The following DNAJC5 variants were observed in gnomAD, a reference collection of about 807,000 sequenced individuals.
The protein encoded by DNAJC5 is dnaJ homolog subfamily C member 5.
Under a neutral mutation model 23.2 loss-of-function variants are expected in DNAJC5, and 1 was observed. That is an observed-to-expected ratio of 0.04 (90% CI 0.02 to 0.20). The LOEUF (loss-of-function observed/expected upper bound fraction) is 0.20, where lower values mean the gene tolerates loss of function less well. DNAJC5 is among the 10% of genes least tolerant of loss of function. The probability of loss-of-function intolerance (pLI) is 1.00; values close to 1 mark genes in which losing one functional copy is unlikely to be tolerated. For missense variants in DNAJC5, 180 were observed against 267.0 expected (o/e 0.67, Z 2.27); for synonymous variants, 136 against 120.0 (o/e 1.13, Z -0.87).
intron 1 of DNAJC5, among the ~76,000 whole-genome samples, chr20:63,918,557 A>G (rs1484429438): frequency 6.6e-6 from 1 of 152,192 alleles, no homozygotes; most frequent in African/African-American, 2.4e-5. Flanking sequence ...TAGAGACGGG[A>G]TCATGGTGTT....
chr20:63,926,731 G>A (rs138998858), intron 1 of DNAJC5, among the ~76,000 whole-genome samples: 2 of 152,116 alleles, frequency 1.3e-5, no homozygotes, highest in Non-Finnish European at 2.9e-5. Flanking sequence ...CTTTCTATTC[G>A]GGACCCCCGT....
In DNAJC5 at chr20:63,931,537, AC is replaced by A; in HGVS notation, c.570del (p.Ser191AlafsTer30). On this transcript the variant is annotated frameshift_variant, in exon 5 of 5. Coordinates refer to ENST00000360864, the MANE Select transcript of DNAJC5 (RefSeq NM_025219.3). LOFTEE classifies it high-confidence loss of function. This position sits in a 1 kb window ranked among gnomAD's most constrained non-coding sequence, Gnocchi z 9.6. Reference sequence around the variant, plus strand: ...ACCACCCAGCTCACAGCCGACTCCCACCCCAGCTACCACACTGACGGGTTCA... The same window carrying A: ...ACCACCCAGCTCACAGCCGACTCCCACCCAGCTACCACACTGACGGGTTCA... ...TETTQLTADSHPSYHTDGFN is the reference protein window; with the variant it reads ...TETTQLTADSXPSYHTDGFN The A allele has an allele frequency of 6.3e-7, 1 of 1,580,978 alleles. No homozygotes were observed.
Position 63,931,674 on chromosome 20 carries a change from T to TG in DNAJC5, c.*108dup. ...TGGGAAGGCAGCCTCCTGCCTGCCC[T>TG]GGCCTTGCTGGGGCCCCTCCTGCCT... On this transcript the variant is annotated 3_prime_UTR_variant, in exon 5 of 5. Coordinates refer to ENST00000360864, the MANE Select transcript of DNAJC5 (RefSeq NM_025219.3). This position sits in a 1 kb window ranked among gnomAD's most constrained non-coding sequence, Gnocchi z 9.6. The TG allele has an allele frequency of 2.4e-6, 3 of 1,235,918 alleles. No individual in the cohort carries two copies. Among genetic ancestry groups the TG allele is most frequent in the Non-Finnish European group, 3.4e-6 (3 of 873,498 alleles). The allele number at this position is 1,235,918 out of a possible 1,614,324, so 76.6% of individuals were successfully genotyped here.
At position 63,928,436 on chromosome 20, in the gene DNAJC5, A is replaced by G. The variant is rs1466155993; in HGVS notation, c.91A>G (p.Ile31Val). Residue 31 changes from isoleucine (I) to valine (V), a missense_variant, in exon 2 of 5, where the codon ATT (isoleucine) becomes GTT (valine). Around this residue, in one of 3 missense-constraint regions of DNAJC5, gnomAD observed 77 missense variants for 106.8 expected, o/e 0.72. Coordinates refer to ENST00000360864, the MANE Select transcript of DNAJC5 (RefSeq NM_025219.3). The surrounding 1 kb of genome is among the most constrained non-coding windows in gnomAD (Gnocchi z 4.6). ...GGACAAGAACGCAACCTCAGATGAC[A>G]TTAAAAAGTCCTATCGGTAAGTGGA... ...GLDKNATSDD[I>V]KKSYRKLALK... is the part of the protein sequence containing the mutation. 3 of 1,614,064 alleles carry G rather than the reference A, an allele frequency of 1.9e-6. No individual in the cohort carries two copies. Among genetic ancestry groups the G allele is most frequent in the East Asian group, 2.2e-5 (1 of 44,890 alleles).
chr20:63,906,036 AT>A (rs575820076), intron 1 of DNAJC5, among the ~76,000 whole-genome samples: 5 of 149,348 alleles, frequency 3.3e-5, no homozygotes, highest in African/African-American at 2.5e-5. Flanking sequence ...CCGGCCCAGG[AT>A]TTTTTTTTTA....
At position 63,928,558 on chromosome 20, in the gene DNAJC5, C is replaced by T. The variant is rs2053635045; in HGVS notation, c.107+106C>T. 1.6e-5 allele frequency: 15 copies of T among 940,916 alleles called. No individual in the cohort carries two copies. The highest frequency in any genetic ancestry group is 2.1e-4 in the Middle Eastern group (1 of 4,870). The allele number at this position is 940,916 out of a possible 1,614,324, so 58.3% of individuals were successfully genotyped here. A position where few individuals can be genotyped will look rare whatever the true frequency, so the allele number is the denominator to read the frequency against. ...ACCATTGCACATACTTTATCCTGGC[C>T]GACTCAGCGTTGAACTGGTCACAGC... On this transcript the variant is annotated intron_variant, in intron 2 of 4. Coordinates refer to ENST00000360864, the MANE Select transcript of DNAJC5 (RefSeq NM_025219.3). This position sits in a 1 kb window ranked among gnomAD's most constrained non-coding sequence, Gnocchi z 4.6.
At chr20:63,903,603 G>A (rs977076296) in intron 1 of DNAJC5, among the ~76,000 whole-genome samples, 1 of 151,974 alleles carries the variant, frequency 6.6e-6, no homozygotes, top group Non-Finnish European at 1.5e-5. Flanking sequence ...CACTGCGCTC[G>A]GCCCATCTCA....
At chr20:63,903,666 T>C (rs1002929776) in intron 1 of DNAJC5, among the ~76,000 whole-genome samples, 1 of 152,110 alleles carries the variant, frequency 6.6e-6, no homozygotes, top group African/African-American at 2.4e-5. Flanking sequence ...AAAAACATTT[T>C]TGGCCAGGCT....
intron 1 of DNAJC5, among the ~76,000 whole-genome samples, chr20:63,911,319 A>T (rs2146281255): frequency 6.6e-6 from 1 of 152,306 alleles, no homozygotes; most frequent in South Asian, 2.1e-4. Flanking sequence ...ATCCTTCCTC[A>T]GGTGTGGCCG....
At position 63,930,875 on chromosome 20, in the gene DNAJC5, C is replaced by T. The variant is rs2053663677; in HGVS notation, c.346C>T (p.Leu116Phe). ...AKALFVFCGL[L>F]TCCYCCCCLC... ...GGCCCTGTTTGTCTTCTGCGGCCTCCTCACGTGCTGCTACTGCTGCTGCTG... is the reference window on the plus strand; with the variant it reads ...GGCCCTGTTTGTCTTCTGCGGCCTCTTCACGTGCTGCTACTGCTGCTGCTG... The change falls in exon 4 of 5, where the codon CTC becomes TTC. Residue 116 changes from leucine (L) to phenylalanine (F), a missense_variant. By Grantham distance (22) the Leu-to-Phe change is conservative (BLOSUM62 0). Around this residue, in one of 3 missense-constraint regions of DNAJC5, gnomAD observed 97 missense variants for 123.4 expected, o/e 0.79. Coordinates refer to ENST00000360864, the MANE Select transcript of DNAJC5 (RefSeq NM_025219.3). The T allele has an allele frequency of 1.2e-6, 2 of 1,613,592 alleles. No homozygotes were observed. Among genetic ancestry groups the T allele is most frequent in the Non-Finnish European group, 1.7e-6 (2 of 1,179,982 alleles).
chr20:63,928,591 C>T lies in DNAJC5; in HGVS notation c.107+139C>T. 1 of 731,104 alleles carries T rather than the reference C, an allele frequency of 1.4e-6. No homozygotes were observed. The highest frequency in any genetic ancestry group is 2.5e-6 in the Non-Finnish European group (1 of 405,518). The allele number at this position is 731,104 out of a possible 1,614,324, so 45.3% of individuals were successfully genotyped here. A position where few individuals can be genotyped will look rare whatever the true frequency, so the allele number is the denominator to read the frequency against. ...CGTTGAACTGGTCACAGCTCGGTAA[C>T]ACCTTTGTATGTGTAATGTGCTCCT... On this transcript the variant is annotated intron_variant, in intron 2 of 4. Coordinates refer to ENST00000360864, the MANE Select transcript of DNAJC5 (RefSeq NM_025219.3). The surrounding 1 kb of genome is among the most constrained non-coding windows in gnomAD (Gnocchi z 4.6).
At chr20:63,926,075 G>T (rs931584710) in intron 1 of DNAJC5, among the ~76,000 whole-genome samples, 18 of 152,088 alleles carry the variant, frequency 1.2e-4, no homozygotes, top group South Asian at 2.1e-4. Context: ...TGATCTGCCC[G>T]CCTTGGCCTC....
Position 63,914,797 on chromosome 20 carries a change from G to A in DNAJC5, c.-11-13538G>A, listed in dbSNP as rs563802188. On this transcript the variant is annotated intron_variant, in intron 1 of 4. Coordinates refer to ENST00000360864, the MANE Select transcript of DNAJC5 (RefSeq NM_025219.3). ...CGCCCTGCTAATTTCTGTATTTTTAGCAGAGATGGGGTTTCACTGTGTTGC... is the reference window on the plus strand; with the variant it reads ...CGCCCTGCTAATTTCTGTATTTTTAACAGAGATGGGGTTTCACTGTGTTGC... Among the ~76,000 whole-genome samples, 10 of 151,860 alleles carry A rather than the reference G, an allele frequency of 6.6e-5. No individual in the cohort carries two copies. In the East Asian group the frequency reaches 1.7e-3, roughly 27 times the overall value.
intron 1 of DNAJC5, among the ~76,000 whole-genome samples, chr20:63,903,181 A>G (rs937056453): frequency 8.6e-5 from 13 of 151,854 alleles, no homozygotes; most frequent in African/African-American, 2.9e-4. Flanking sequence ...CATGTTGCCC[A>G]GGTTGGCCTT....
intron 1 of DNAJC5, among the ~76,000 whole-genome samples, chr20:63,921,482 T>C (rs1015301699): frequency 4.0e-5 from 6 of 151,466 alleles, no homozygotes; most frequent in African/African-American, 1.5e-4. Context: ...TCCCAGCTAC[T>C]CAGGAGGCTG....
intron 1 of DNAJC5, among the ~76,000 whole-genome samples, chr20:63,910,172 T>C (rs1406055733): frequency 6.6e-6 from 1 of 152,148 alleles, no homozygotes; most frequent in Non-Finnish European, 1.5e-5. Context: ...CTTGATTGAA[T>C]AGTCGCTACC....
rs886056937 is a variant in DNAJC5, at chr20:63,931,703, C to T, written c.*135C>T. 4 of 863,912 alleles carry T rather than the reference C, an allele frequency of 4.6e-6. No individual in the cohort carries two copies. The highest frequency in any genetic ancestry group is 7.5e-6 in the Non-Finnish European group (4 of 534,362). 53.5% of individuals were successfully genotyped at this position (863,912 alleles called of 1,614,324 possible). ...CTTGCTGGGGCCCCTCCTGCCTCCA[C>T]GCCCACCCAGCGTCGACCCTTGACC... On this transcript the variant is annotated 3_prime_UTR_variant, in exon 5 of 5. Coordinates refer to ENST00000360864, the MANE Select transcript of DNAJC5 (RefSeq NM_025219.3). The surrounding 1 kb of genome is among the most constrained non-coding windows in gnomAD (Gnocchi z 9.6).
chr20:63,925,678 C>T (rs985540304), intron 1 of DNAJC5, among the ~76,000 whole-genome samples: 3 of 150,972 alleles, frequency 2.0e-5, no homozygotes, highest in African/African-American at 4.9e-5. Context: ...ATCTGCCTGG[C>T]ATTCAGCTGC....
chr20:63,895,462 G>T (rs562849065), intron 1 of DNAJC5, 139 bp downstream of exon 1: 266 of 147,412 alleles, frequency 1.8e-3, no homozygotes, highest in African/African-American at 6.2e-3. Context: ...CTGCGCGGGC[G>T]CTCGGGGCCG....
Sources: gnomAD v4.1 joint callset for allele counts (sites outside exome capture counted in the v4.1 genomes callset) on GRCh38, gnomAD v4.1.1 for gene constraint, gnomAD v4.1.1 regional missense constraint, Gnocchi (gnomAD v3.1) non-coding constraint, MANE v1.5 for transcripts, NCBI Gene and HGNC (gene_info 2026-07-23, HGNC 2026-07-21) for gene names.